Variants in TACC1 observed in about 807,000 individuals in gnomAD.
The protein encoded by TACC1 is transforming acidic coiled-coil containing protein 1.
A neutral mutation model predicts 84.4 loss-of-function variants in TACC1; 48 were observed. That is an observed-to-expected ratio of 0.57 (90% CI 0.45 to 0.72). The LOEUF is 0.72. Among genes scored for constraint, TACC1 ranks in the 30% least tolerant of loss-of-function variants. The pLI is 0.00. For missense variants in TACC1, 920 were observed against 973.0 expected, an observed-to-expected ratio of 0.95 and a Z score of 0.72; for synonymous variants, 372 against 376.3, an observed-to-expected ratio of 0.99 and a Z score of 0.13.
intron 3 of TACC1, among the ~76,000 whole-genome samples, chr8:38,749,059 G>GA (rs200067869): frequency 8.0e-5 from 12 of 149,870 alleles, no homozygotes; most frequent in South Asian, 2.1e-4. Flanking sequence ...GACTGGCAAA[G>GA]AAAAAAAAAT....
At chr8:38,753,351 C>A (rs528169588) in intron 3 of TACC1, among the ~76,000 whole-genome samples, 1 of 152,184 alleles carries the variant, frequency 6.6e-6, no homozygotes, top group African/African-American at 2.4e-5. Flanking sequence ...AGATCCTCCC[C>A]TCTTGGCCTA....
chr8:38,745,461 C>T (rs760071354), exon 3 of TACC1: 10 of 684,784 alleles, frequency 1.5e-5, no homozygotes, highest in Middle Eastern at 2.3e-4. Context: ...TCAAATCTGA[C>T]CTGGAGATGA....
chr8:38,836,398 T>G, intron 7 of TACC1, 111 bp downstream of exon 7: 2 of 1,463,574 alleles, frequency 1.4e-6, no homozygotes, highest in Non-Finnish European at 1.9e-6. Context: ...CTGGAAGTTC[T>G]TATTACCTGC....
Position 38,804,799 on chromosome 8 carries a change from C to T in TACC1, c.278-14723C>T, listed in dbSNP as rs112424571. ...TAATTTTTTTGTAGAATCAGGGTCTCCCTGTGTTGTCCAGGCTGGTCTCAA... is the reference window on the plus strand; with the variant it reads ...TAATTTTTTTGTAGAATCAGGGTCTTCCTGTGTTGTCCAGGCTGGTCTCAA... On this transcript the variant is annotated intron_variant, in intron 2 of 12. Coordinates refer to ENST00000317827, the MANE Select transcript of TACC1 (RefSeq NM_006283.3). Among the ~76,000 whole-genome samples, 313 of 152,220 alleles carry T rather than the reference C, an allele frequency of 2.1e-3. 6 individuals carry two copies. The highest frequency in any genetic ancestry group is 6.9e-3 in the African/African-American group (288 of 41,540).
chr8:38,818,612 G>C (rs570473744), intron 2 of TACC1, among the ~76,000 whole-genome samples: 59 of 152,270 alleles, frequency 3.9e-4, no homozygotes, highest in African/African-American at 1.3e-3. Context: ...TAAAATAAGG[G>C]CTATTTGTTT....
chr8:38,793,892 G>GA (rs569415113), intron 2 of TACC1, among the ~76,000 whole-genome samples: 123 of 152,044 alleles, frequency 8.1e-4, no homozygotes, highest in Non-Finnish European at 1.3e-3. Flanking sequence ...ATCTTGTACA[G>GA]AAAAAAAATG....
At chr8:38,749,262 G>A (rs1049325679) in intron 3 of TACC1, among the ~76,000 whole-genome samples, 1 of 152,134 alleles carries the variant, frequency 6.6e-6, no homozygotes, top group Non-Finnish European at 1.5e-5. Flanking sequence ...ATCAATTAAA[G>A]ATATTGAATT....
Position 38,787,690 on chromosome 8 carries a change from G to A in TACC1, c.108G>A (p.Glu36=). ...AAGEDEAGGP[E]GDPEEEDSQA... ...GCGAGGACGAGGCTGGCGGGCCCGA[G>A]GGCGACCCCGAGGAGGAGGATTCGC... The change falls in exon 1 of 13, where the codon GAG becomes GAA. Residue 36 remains glutamate (E), a synonymous_variant. Coordinates refer to ENST00000317827, the MANE Select transcript of TACC1 (RefSeq NM_006283.3). 6.5e-7 allele frequency: 1 copy of A among 1,540,584 alleles called. No individual in the cohort carries two copies. Among genetic ancestry groups the A allele is most frequent in the Non-Finnish European group, 8.7e-7 (1 of 1,148,836 alleles).
At chr8:38,823,558 G>A (rs11780430) in intron 3 of TACC1, among the ~76,000 whole-genome samples, 29,871 of 152,096 alleles carry the variant, frequency 0.2, 3,504 homozygotes, top group Non-Finnish European at 0.27. Flanking sequence ...AAGAAGCACC[G>A]TCTCTCGAGT....
intron 3 of TACC1, among the ~76,000 whole-genome samples, chr8:38,823,659 AG>A (rs1251768442): frequency 2.6e-5 from 4 of 152,146 alleles, no homozygotes; most frequent in Admixed American, 2.6e-4. Flanking sequence ...GCTTTTTTTA[AG>A]GCCTTATGCA....
At chr8:38,740,264 G>C (rs1806804479) in intron 1 of TACC1, among the ~76,000 whole-genome samples, 1 of 152,184 alleles carries the variant, frequency 6.6e-6, no homozygotes. Flanking sequence ...CTTGAATCCA[G>C]GTGATCCAGC....
chr8:38,750,983 T>C (rs554612247), intron 3 of TACC1, among the ~76,000 whole-genome samples: 1 of 152,284 alleles, frequency 6.6e-6, no homozygotes, highest in East Asian at 1.9e-4. Context: ...AGCCACATCG[T>C]TTTGAAAGAG....
chr8:38,800,586 G>A (rs912280459), intron 2 of TACC1, among the ~76,000 whole-genome samples: 6 of 152,086 alleles, frequency 3.9e-5, no homozygotes, highest in Non-Finnish European at 5.9e-5. Flanking sequence ...AGCAAGTATC[G>A]GGACTTTATT....
chr8:38,823,313 G>T (rs930138896), intron 3 of TACC1, among the ~76,000 whole-genome samples: 2 of 152,112 alleles, frequency 1.3e-5, no homozygotes, highest in East Asian at 3.8e-4. Context: ...TATTGATTGG[G>T]TGCCCTCTTT....
At position 38,851,908 on chromosome 8, in the gene TACC1, C is replaced by T. The variant is rs923732357; in HGVS notation, c.*3885C>T. 6 of 455,388 alleles carry T rather than the reference C, an allele frequency of 1.3e-5. No individual in the cohort carries two copies. Among genetic ancestry groups the T allele is most frequent in the Middle Eastern group, 6.6e-4 (2 of 3,014 alleles). 28.2% of individuals were successfully genotyped at this position (455,388 alleles called of 1,614,324 possible). A position where few individuals can be genotyped will look rare whatever the true frequency, so the allele number is the denominator to read the frequency against. On this transcript the variant is annotated 3_prime_UTR_variant, in exon 13 of 13. Transcript: ENST00000317827. ...CAAATACTTTAATAAAGAAGTATTT[C>T]GAGGAGATATCTGTCCAAAAAGGTT...
intron 3 of TACC1, among the ~76,000 whole-genome samples, chr8:38,774,734 C>T (rs1394030399): frequency 2.0e-5 from 3 of 152,064 alleles, no homozygotes; most frequent in Non-Finnish European, 4.4e-5. Flanking sequence ...TTTTAAAGGC[C>T]AGCCACGGTG....
chr8:38,792,857 C>T (rs1819050633), intron 2 of TACC1, among the ~76,000 whole-genome samples: 1 of 152,132 alleles, frequency 6.6e-6, no homozygotes, highest in African/African-American at 2.4e-5. Context: ...GCCTCACCCT[C>T]CCAAAGTCCT....
intron 9 of TACC1, 104 bp from the exon 10 acceptor site, chr8:38,842,183 G>A (rs1366982100): frequency 5.8e-6 from 8 of 1,370,404 alleles, no homozygotes; most frequent in African/African-American, 1.5e-5. Flanking sequence ...CGGGAATTTG[G>A]TCACATCCCC....
At chr8:38,768,898 T>C (rs1812827921) in intron 3 of TACC1, among the ~76,000 whole-genome samples, 1 of 140,270 alleles carries the variant, frequency 7.1e-6, no homozygotes, top group Non-Finnish European at 1.5e-5. Context: ...GGGGGAGGTG[T>C]GTGTGTGACT....
Sources: gnomAD v4.1 joint callset for allele counts (sites outside exome capture counted in the v4.1 genomes callset) on GRCh38, gnomAD v4.1.1 for gene constraint, MANE v1.5 for transcripts, NCBI Gene and HGNC (gene_info 2026-07-23, HGNC 2026-07-21) for gene names.